Variants in REEP5 observed in about 807,000 individuals in gnomAD.
The protein encoded by REEP5 is receptor expression-enhancing protein 5.
REEP5 carries 24 observed loss-of-function variants against 22.4 expected under a neutral mutation model. The ratio of observed to expected loss-of-function variants is 1.07; its 90% CI spans 0.78 to 1.51. The LOEUF (loss-of-function observed/expected upper bound fraction) is 1.51, where lower values mean the gene tolerates loss of function less well. REEP5 is among the 40% of genes most tolerant of loss of function. The pLI is 0.00. For synonymous variants in REEP5, 103 were observed against 88.6 expected (o/e 1.16, Z -0.92); for missense variants, 252 against 233.0 (o/e 1.08, Z -0.53).
In REEP5 at chr5:112,880,078, C is replaced by T. The variant is rs561435823; in HGVS notation, c.521-1243G>A. Among the ~76,000 whole-genome samples the T allele has an allele frequency of 2.9e-3, 439 of 152,128 alleles. 1 individual carries two copies. Among genetic ancestry groups the T allele is most frequent in the African/African-American group, 0.01 (423 of 41,506 alleles). On this transcript the variant is annotated intron_variant, in intron 4 of 4. Transcript: ENST00000379638. ...TCTCCTATGATGAGAAGAGTTTGCT[C>T]TAAGTCTTTGAGTTGGTGACAAGAC...
chr5:112,881,861 C>T (rs1044160421), intron 4 of REEP5: 1 of 152,174 alleles, frequency 6.6e-6, no homozygotes, highest in African/African-American at 2.4e-5. Context: ...AACCTCCAGG[C>T]TCAGGTGATC....
At position 112,892,251 on chromosome 5, in the gene REEP5, C is replaced by G. The variant is rs1561650945; in HGVS notation, c.352-5068G>C. On this transcript the variant is annotated intron_variant, in intron 3 of 4. Transcript: ENST00000379638. ...ATAATTTCCCAACATCTAGTCCTAC[C>G]CTTCTTATTAAGAGCATGTTTACAA... 6 of 1,614,060 alleles carry G rather than the reference C, an allele frequency of 3.7e-6. No individual in the cohort carries two copies. In the East Asian group the frequency reaches 8.9e-5, roughly 24 times the overall value.
intron 2 of REEP5, among the ~76,000 whole-genome samples, chr5:112,904,448 A>G (rs1021677177): frequency 2.6e-5 from 4 of 152,222 alleles, no homozygotes; most frequent in African/African-American, 9.6e-5. Flanking sequence ...GGAGATACGT[A>G]ATTACATTTC....
Position 112,878,430 on chromosome 5 carries a change from A to G in REEP5, c.*356T>C, listed in dbSNP as rs1767962751. 1 of 223,538 alleles carries G rather than the reference A, an allele frequency of 4.5e-6. No homozygotes were observed. Among genetic ancestry groups the G allele is most frequent in the Non-Finnish European group, 8.8e-6 (1 of 113,934 alleles). 13.8% of individuals were successfully genotyped at this position (223,538 alleles called of 1,614,324 possible). On this transcript the variant is annotated 3_prime_UTR_variant, in exon 5 of 5. Transcript: ENST00000379638. ...GAACCATAAAGATTATCCTAAATGT[A>G]ACTACAGAGAAAATGCGTGCAGGGA... is the stretch of plus-strand genomic sequence containing the variant.
At chr5:112,901,507 G>A (rs1020951289) in intron 3 of REEP5, among the ~76,000 whole-genome samples, 2 of 151,984 alleles carry the variant, frequency 1.3e-5, no homozygotes, top group African/African-American at 4.8e-5. Context: ...TCAGGAGTTC[G>A]AGAGCACCCT....
Position 112,878,769 on chromosome 5 carries a change from T to G in REEP5, c.*17A>C, listed in dbSNP as rs540219600. 20 of 1,614,046 alleles carry G rather than the reference T, an allele frequency of 1.2e-5. No homozygotes were observed. In the South Asian group the frequency reaches 1.3e-4, roughly 11 times the overall value. Reference sequence around the variant, plus strand: ...AGGAAGGTACAGAGAGGGCAGGAAGTTTCCATCCAGTCTGGTTTAGGTGCT... The same window carrying G: ...AGGAAGGTACAGAGAGGGCAGGAAGGTTCCATCCAGTCTGGTTTAGGTGCT... On this transcript the variant is annotated 3_prime_UTR_variant, in exon 5 of 5. Coordinates refer to ENST00000379638, the MANE Select transcript of REEP5 (RefSeq NM_005669.5).
intron 3 of REEP5, chr5:112,893,176 G>A: frequency 3.6e-6 from 2 of 551,946 alleles, no homozygotes; most frequent in South Asian, 4.5e-5. Flanking sequence ...TTAGGAGGCT[G>A]AGGTGGGTGG....
At chr5:112,888,798 AT>A (rs1768342674) in intron 3 of REEP5, among the ~76,000 whole-genome samples, 1 of 150,804 alleles carries the variant, frequency 6.6e-6, no homozygotes, top group Non-Finnish European at 1.5e-5. Context: ...AGGTGCAAGG[AT>A]TGCTTGGGCC....
chr5:112,908,097 TTTTG>T (rs1300398559), intron 2 of REEP5, among the ~76,000 whole-genome samples: 8 of 146,130 alleles, frequency 5.5e-5, no homozygotes, highest in Non-Finnish European at 7.5e-5. Flanking sequence ...TTTCTTTGTT[TTTTG>T]TTTTTTTTTT....
chr5:112,913,563 A>AT (rs1376666736), intron 2 of REEP5, among the ~76,000 whole-genome samples: 3 of 131,356 alleles, frequency 2.3e-5, no homozygotes, highest in African/African-American at 8.4e-5. Flanking sequence ...AAAAAAAAAA[A>AT]TTAAGATGAG....
intron 3 of REEP5, chr5:112,894,841 T>C (rs915800315): frequency 2.0e-5 from 3 of 152,194 alleles, no homozygotes; most frequent in South Asian, 2.1e-4. Flanking sequence ...TATTCCTACA[T>C]AGAATATCTG....
chr5:112,891,079 T>C (rs1420630485), intron 3 of REEP5, among the ~76,000 whole-genome samples: 1 of 150,362 alleles, frequency 6.7e-6, no homozygotes, highest in Non-Finnish European at 1.5e-5. Context: ...TTTATTTTTA[T>C]TTTTTATTTT....
intron 3 of REEP5, chr5:112,891,617 A>AG (rs1768451143): frequency 1.3e-6 from 2 of 1,581,380 alleles, no homozygotes; most frequent in Middle Eastern, 1.7e-4. Context: ...AGAATGTCTG[A>AG]GGGGTCAGGC....
intron 2 of REEP5, among the ~76,000 whole-genome samples, chr5:112,906,477 G>A (rs1266435076): frequency 6.6e-6 from 1 of 152,102 alleles, no homozygotes; most frequent in African/African-American, 2.4e-5. Context: ...TCTTACTTTT[G>A]GAGGGGACCC....
intron 3 of REEP5, chr5:112,894,666 G>C (rs1439481372): frequency 6.6e-6 from 1 of 152,178 alleles, no homozygotes; most frequent in African/African-American, 2.4e-5. Flanking sequence ...TTGGAGAGCA[G>C]CAAGTGTTTT....
chr5:112,876,438 C>T lies in REEP5; in HGVS notation c.*2348G>A, dbSNP rs1048744964. The T allele has an allele frequency of 3.3e-5, 5 of 152,180 alleles. No homozygotes were observed. Among genetic ancestry groups the T allele is most frequent in the African/African-American group, 1.2e-4 (5 of 41,436 alleles). 9.4% of individuals were successfully genotyped at this position (152,180 alleles called of 1,614,324 possible). A position where few individuals can be genotyped will look rare whatever the true frequency, so the allele number is the denominator to read the frequency against. ...CTATTTATTTCCATTCAGTGTATCA[C>T]ATCTTCAGGATAGGTGATAACAGTG... On this transcript the variant is annotated 3_prime_UTR_variant, in exon 5 of 5. Transcript: ENST00000379638.
intron 2 of REEP5, among the ~76,000 whole-genome samples, chr5:112,902,737 G>C (rs1178679037): frequency 6.6e-6 from 1 of 152,102 alleles, no homozygotes; most frequent in Non-Finnish European, 1.5e-5. Flanking sequence ...GGTCACCAGA[G>C]AAACCAGCAC....
intron 2 of REEP5, among the ~76,000 whole-genome samples, chr5:112,917,589 T>C (rs1769259399): frequency 6.6e-6 from 1 of 152,200 alleles, no homozygotes; most frequent in Non-Finnish European, 1.5e-5. Flanking sequence ...ATTCCATTTG[T>C]ACAAAGGAGC....
chr5:112,921,881 C>T (rs1489868731), intron 1 of REEP5, 192 bp downstream of exon 1: 1 of 604,668 alleles, frequency 1.7e-6, no homozygotes, highest in Non-Finnish European at 2.6e-6. Context: ...CGACCCTCAG[C>T]CTGGGCAGCC....
Sources: gnomAD v4.1 joint callset for allele counts (sites outside exome capture counted in the v4.1 genomes callset) on GRCh38, gnomAD v4.1.1 for gene constraint, MANE v1.5 for transcripts, NCBI Gene and HGNC (gene_info 2026-07-23, HGNC 2026-07-21) for gene names.